Variants in NFILZ observed in about 807,000 individuals in gnomAD.
NFILZ encodes NFIL3 like basic leucine zipper.
chr19:8,665,265 C>T (rs1163939135), intron 3 of NFILZ, among the ~76,000 whole-genome samples: 3 of 152,092 alleles, frequency 2.0e-5, no homozygotes, highest in South Asian at 2.1e-4. Context: ...TATGATTTGG[C>T]TTAGGGAAGA....
intron 2 of NFILZ, among the ~76,000 whole-genome samples, chr19:8,635,414 C>T (rs1359057162): frequency 2.0e-5 from 3 of 151,942 alleles, no homozygotes; most frequent in Non-Finnish European, 4.4e-5. Flanking sequence ...TTCTCTCCCT[C>T]AGTCCCAGCC....
chr19:8,681,130 A>G lies in NFILZ; in HGVS notation c.*3495A>G, dbSNP rs1489796881. On this transcript the variant is annotated 3_prime_UTR_variant, in exon 6 of 6. Transcript: ENST00000691075. The stretch of plus-strand genomic sequence containing the variant: ...CTGTGATGTGTGAGGCTGAGTGAAA[A>G]TAAACCCACCACATAAGTGCAGGAG... 6.6e-6 allele frequency among the ~76,000 whole-genome samples: 1 copy of G among 152,106 alleles called. No homozygotes were observed.
In NFILZ at chr19:8,652,164, G is replaced by T. The variant is rs1443722481; in HGVS notation, c.-164+16418G>T. Among the ~76,000 whole-genome samples, 3 of 150,130 alleles carry T rather than the reference G, an allele frequency of 2.0e-5. No homozygotes were observed. In the South Asian group the frequency reaches 6.3e-4, roughly 31 times the overall value. On this transcript the variant is annotated intron_variant, in intron 3 of 5. Coordinates refer to ENST00000691075, the MANE Select transcript of NFILZ (RefSeq NM_001378600.1). ...GTCGCCGAGGCTGGAGTGCGGTGGCGCGATCTCGGCTCACTGCCAGCTCCG... is the reference window on the plus strand; with the variant it reads ...GTCGCCGAGGCTGGAGTGCGGTGGCTCGATCTCGGCTCACTGCCAGCTCCG...
intron 2 of NFILZ, 100 bp downstream of exon 2, chr19:8,632,725 CT>C (rs34471220): frequency 0.012 from 1,724 of 141,886 alleles, 25 homozygotes; most frequent in African/African-American, 0.031. Flanking sequence ...TCTTTTATTC[CT>C]TTTTTTTTTT....
chr19:8,649,557 G>A (rs970706351), intron 3 of NFILZ, among the ~76,000 whole-genome samples: 15 of 152,024 alleles, frequency 9.9e-5, no homozygotes, highest in Admixed American at 7.2e-4. Flanking sequence ...GTGAGCTACC[G>A]TGCCCGGCAT....
intron 3 of NFILZ, among the ~76,000 whole-genome samples, chr19:8,640,653 A>C (rs2042915413): frequency 6.6e-6 from 1 of 152,204 alleles, no homozygotes; most frequent in African/African-American, 2.4e-5. Flanking sequence ...TCAAGAGACC[A>C]GAAGCAGCCA....
intron 3 of NFILZ, among the ~76,000 whole-genome samples, chr19:8,653,409 TTCATG>T (rs1183558606): frequency 6.6e-6 from 1 of 152,044 alleles, no homozygotes; most frequent in Non-Finnish European, 1.5e-5. Flanking sequence ...ATTGTTTTAT[TTCATG>T]ATTATTGCTG....
chr19:8,670,119 T>TG (rs1311407481), intron 3 of NFILZ, among the ~76,000 whole-genome samples: 1 of 152,078 alleles, frequency 6.6e-6, no homozygotes, highest in Admixed American at 6.5e-5. Flanking sequence ...TTTTTTTTTT[T>TG]TGAGGCAGGG....
chr19:8,678,151 G>GTCCA lies in NFILZ; in HGVS notation c.*552_*555dup, dbSNP rs370262582. Among the ~76,000 whole-genome samples, 10,883 of 47,582 alleles carry GTCCA rather than the reference G, an allele frequency of 0.23. 1,604 individuals carry two copies. The highest frequency in any genetic ancestry group is 0.3 in the Non-Finnish European group (7,708 of 25,846). The allele number at this position is 47,582 out of a possible 152,430, so 31.2% of individuals were successfully genotyped here. On this transcript the variant is annotated 3_prime_UTR_variant, in exon 6 of 6. Transcript: ENST00000691075. ...CCTCCATCCATTCATCCACTTGTCC[G>GTCCA]TCCATCCATCCATCCATCCATCCAT...
chr19:8,656,461 T>C (rs200321091), intron 3 of NFILZ, among the ~76,000 whole-genome samples: 5,229 of 17,190 alleles, frequency 0.3, 649 homozygotes, highest in Middle Eastern at 0.38. Context: ...CCACCTTCTC[T>C]CTGAAGCCCA....
chr19:8,665,725 G>C (rs536712236), intron 3 of NFILZ, among the ~76,000 whole-genome samples: 82 of 152,204 alleles, frequency 5.4e-4, no homozygotes, highest in Non-Finnish European at 9.6e-4. Flanking sequence ...ATCCTTGCTA[G>C]CATTAGGTTT....
intron 2 of NFILZ, among the ~76,000 whole-genome samples, chr19:8,634,438 G>A (rs553876377): frequency 2.6e-5 from 4 of 152,240 alleles, no homozygotes; most frequent in Admixed American, 2.0e-4. Flanking sequence ...GGCGCATGCC[G>A]TGACACCCAG....
intron 3 of NFILZ, among the ~76,000 whole-genome samples, chr19:8,673,961 C>A (rs1451525088): frequency 6.6e-6 from 1 of 152,190 alleles, no homozygotes; most frequent in African/African-American, 2.4e-5. Context: ...CTGTCTCAGC[C>A]TCCTGAATAG....
intron 3 of NFILZ, among the ~76,000 whole-genome samples, chr19:8,657,799 A>G (rs1400058771): frequency 3.9e-5 from 6 of 152,148 alleles, no homozygotes; most frequent in African/African-American, 1.4e-4. Context: ...AGGAGGCAGG[A>G]CACCCCTCAT....
chr19:8,669,533 G>A (rs1555750097), intron 3 of NFILZ, among the ~76,000 whole-genome samples: 2 of 152,162 alleles, frequency 1.3e-5, no homozygotes, highest in African/African-American at 4.8e-5. Context: ...TCTCAGCCTT[G>A]CCGTATTGTT....
At chr19:8,650,273 T>G in intron 3 of NFILZ, among the ~76,000 whole-genome samples, 1 of 152,140 alleles carries the variant, frequency 6.6e-6, no homozygotes, top group East Asian at 1.9e-4. Flanking sequence ...GCACCCAGCT[T>G]CCTCTAACAA....
intron 3 of NFILZ, among the ~76,000 whole-genome samples, chr19:8,661,104 T>TTCCTTCCTTCCTTCC (rs2043029544): frequency 3.3e-5 from 1 of 30,310 alleles, no homozygotes; most frequent in African/African-American, 1.3e-4. Flanking sequence ...CCCTTCCTCC[T>TTCCTTCCTTCCTTCC]TCCTTCCTTC....
intron 3 of NFILZ, among the ~76,000 whole-genome samples, chr19:8,656,167 G>C (rs2967713): frequency 0.79 from 116,721 of 148,554 alleles, 47,972 homozygotes; most frequent in Non-Finnish European, 0.92. Context: ...CCATAGCCAC[G>C]TTCTCCCTAC....
chr19:8,636,373 G>A (rs2042894531), intron 3 of NFILZ, among the ~76,000 whole-genome samples: 1 of 150,522 alleles, frequency 6.6e-6, no homozygotes, highest in Non-Finnish European at 1.5e-5. Flanking sequence ...GCTTGAACCT[G>A]GGAGGCGGAG....
Sources: gnomAD v4.1 joint callset for allele counts (sites outside exome capture counted in the v4.1 genomes callset) on GRCh38, gnomAD v4.1.1 for gene constraint, MANE v1.5 for transcripts, NCBI Gene and HGNC (gene_info 2026-07-23, HGNC 2026-07-21) for gene names.